Variants in PDCD6IP observed in about 807,000 individuals in gnomAD.
PDCD6IP encodes the protein programmed cell death 6-interacting protein.
In PDCD6IP, 43 loss-of-function variants were observed where a neutral mutation model predicts 103.7. The ratio of observed to expected loss-of-function variants is 0.41; its 90% confidence interval spans 0.32 to 0.53. The LOEUF (loss-of-function observed/expected upper bound fraction) is 0.53, where lower values mean the gene tolerates loss of function less well. Ranked by LOEUF, PDCD6IP falls within the 20% of genes least tolerant of loss-of-function variation. PDCD6IP has a pLI of 0.16. For missense variants in PDCD6IP, 871 were observed against 1,036.7 expected, an observed-to-expected ratio of 0.84 and a Z score of 2.20; for synonymous variants, 354 against 378.7, an observed-to-expected ratio of 0.93 and a Z score of 0.76.
At chr3:33,852,365 T>G in intron 12 of PDCD6IP, 123 bp from the exon 13 acceptor site, 1 of 1,414,136 alleles carries the variant, frequency 7.1e-7, no homozygotes, top group Non-Finnish European at 9.3e-7. Context: ...CAATTTATAT[T>G]TGGCTCTCTG....
intron 3 of PDCD6IP, among the ~76,000 whole-genome samples, chr3:33,820,164 GT>G (rs1696956620): frequency 6.6e-6 from 1 of 152,120 alleles, no homozygotes; most frequent in South Asian, 2.1e-4. Flanking sequence ...TGTGCCTGTA[GT>G]CCCAGCTACT....
intron 3 of PDCD6IP, among the ~76,000 whole-genome samples, chr3:33,821,720 A>G (rs945419462): frequency 2.0e-5 from 3 of 152,214 alleles, no homozygotes; most frequent in African/African-American, 7.2e-5. Context: ...AGGGAAGGAG[A>G]GAAAGAATAA....
Position 33,867,936 on chromosome 3 carries a change from G to T in PDCD6IP, c.*1411G>T, listed in dbSNP as rs553711985. On this transcript the variant is annotated 3_prime_UTR_variant, in exon 18 of 18. Coordinates refer to ENST00000307296, the MANE Select transcript of PDCD6IP (RefSeq NM_013374.6). The stretch of plus-strand genomic sequence containing the variant: ...GTTTGGATTTATATTTTAAATGTTC[G>T]AATGAAAGTATGATTGTAAAAGGGA... 1 of 152,058 alleles carries T rather than the reference G, an allele frequency of 6.6e-6. No homozygotes were observed. Among genetic ancestry groups the T allele is most frequent in the African/African-American group, 2.4e-5 (1 of 41,396 alleles). The allele number at this position is 152,058 out of a possible 1,614,324, so 9.4% of individuals were successfully genotyped here.
intron 6 of PDCD6IP, chr3:33,827,204 T>G: frequency 2.0e-6 from 2 of 979,070 alleles, no homozygotes; most frequent in Non-Finnish European, 2.4e-6. Context: ...GATCATTTGT[T>G]AATGACAAAG....
rs770845093 is a variant in PDCD6IP, at chr3:33,825,285, C to T, written c.561C>T (p.Leu187=). Residue 187 remains leucine, a synonymous_variant, in exon 5 of 18, where the codon CTC becomes CTT. Transcript: ENST00000307296. Reference sequence around the variant, plus strand: ...TATCTCCAGATACTGTTGGGACCCTCAGTCTTATTATGCTGGCACAGGCTC... The same window carrying T: ...TATCTCCAGATACTGTTGGGACCCTTAGTCTTATTATGCTGGCACAGGCTC... ...VDISPDTVGT[L]SLIMLAQAQE... The T allele has an allele frequency of 2.5e-6, 4 of 1,613,580 alleles. No homozygotes were observed. Among genetic ancestry groups the T allele is most frequent in the Admixed American group, 3.3e-5 (2 of 59,890 alleles).
chr3:33,831,560 A>C (rs1697245549), intron 7 of PDCD6IP, among the ~76,000 whole-genome samples: 1 of 152,170 alleles, frequency 6.6e-6, no homozygotes. Flanking sequence ...GTAATTGTTG[A>C]ACCTAGCTAA....
intron 15 of PDCD6IP, among the ~76,000 whole-genome samples, chr3:33,856,891 T>C (rs577339496): frequency 7.2e-5 from 11 of 152,270 alleles, no homozygotes; most frequent in African/African-American, 2.4e-4. Flanking sequence ...CCAGACTGTC[T>C]TTTGGGTACA....
rs1277815353 is a variant in PDCD6IP at position 33,867,172 on chromosome 3, T to C, written c.*647T>C. 1 of 152,190 alleles carries C rather than the reference T, an allele frequency of 6.6e-6. No homozygotes were observed. The highest frequency in any genetic ancestry group is 1.5e-5 in the Non-Finnish European group (1 of 68,006). The allele number at this position is 152,190 out of a possible 1,614,324, so 9.4% of individuals were successfully genotyped here. ...TTACAGGGAAATCAAAAGAATATTATCATACTTTATCTTTCGTATGCTGAT... is the reference window on the plus strand; with the variant it reads ...TTACAGGGAAATCAAAAGAATATTACCATACTTTATCTTTCGTATGCTGAT... On this transcript the variant is annotated 3_prime_UTR_variant, in exon 18 of 18. Transcript: ENST00000307296.
rs544979174 is a variant in PDCD6IP at position 33,855,014 on chromosome 3, G to A, written c.2026-152G>A. Reference sequence around the variant, plus strand: ...AGTCTTAGATCATATTTAATATTAAGTTGTTGGGCCTAGTAAATTGTATAA... The same window carrying A: ...AGTCTTAGATCATATTTAATATTAAATTGTTGGGCCTAGTAAATTGTATAA... On this transcript the variant is annotated intron_variant, in intron 14 of 17. Coordinates refer to ENST00000307296, the MANE Select transcript of PDCD6IP (RefSeq NM_013374.6). The A allele has an allele frequency of 1.1e-5, 5 of 461,044 alleles. No homozygotes were observed. The South Asian group carries it at 2.0e-4, about 18-fold the overall frequency. 28.6% of individuals were successfully genotyped at this position (461,044 alleles called of 1,614,324 possible). A position where few individuals can be genotyped will look rare whatever the true frequency, so the allele number is the denominator to read the frequency against.
chr3:33,812,183 CA>C (rs1242374467), intron 2 of PDCD6IP, 57 bp downstream of exon 2: 97 of 1,556,322 alleles, frequency 6.2e-5, no homozygotes, highest in Non-Finnish European at 8.2e-5. Context: ...TTCCTTCTGC[CA>C]ATATCTTCAC....
intron 7 of PDCD6IP, among the ~76,000 whole-genome samples, chr3:33,829,329 T>C (rs1697196818): frequency 6.6e-6 from 1 of 152,196 alleles, no homozygotes; most frequent in Non-Finnish European, 1.5e-5. Context: ...CATTCAGTTC[T>C]CTTTTTTGGT....
At chr3:33,822,341 G>A (rs2125554159) in intron 4 of PDCD6IP, among the ~76,000 whole-genome samples, 1 of 152,240 alleles carries the variant, frequency 6.6e-6, no homozygotes, top group Middle Eastern at 3.4e-3. Flanking sequence ...ATTGTTGGTT[G>A]AAGAAATTAT....
chr3:33,815,367 C>T (rs1168438775), intron 3 of PDCD6IP, among the ~76,000 whole-genome samples: 1 of 152,046 alleles, frequency 6.6e-6, no homozygotes, highest in East Asian at 1.9e-4. Flanking sequence ...TACCCAGGTA[C>T]TCTGGAAGGG....
chr3:33,845,977 C>T (rs1272209103), intron 12 of PDCD6IP, among the ~76,000 whole-genome samples: 3 of 152,134 alleles, frequency 2.0e-5, no homozygotes, highest in African/African-American at 7.2e-5. Context: ...CCTTGTTTCA[C>T]CGGAACTACC....
intron 12 of PDCD6IP, 32 bp downstream of exon 12, chr3:33,845,620 C>T: frequency 6.6e-7 from 1 of 1,518,528 alleles, no homozygotes; most frequent in Non-Finnish European, 8.9e-7. Context: ...AGGTTGTCAT[C>T]TGCTTAAGAA....
chr3:33,804,926 T>A (rs1348711716), intron 1 of PDCD6IP, among the ~76,000 whole-genome samples: 3 of 152,234 alleles, frequency 2.0e-5, no homozygotes, highest in African/African-American at 7.2e-5. Flanking sequence ...TGTTTCATCC[T>A]CTAGTTGGTG....
intron 3 of PDCD6IP, among the ~76,000 whole-genome samples, chr3:33,814,863 TGTATATAC>T (rs1383302924): frequency 6.9e-6 from 1 of 145,514 alleles, no homozygotes; most frequent in African/African-American, 2.5e-5. Context: ...TATACATATA[TGTATATAC>T]ATATATACAT....
At chr3:33,865,178 T>A in intron 16 of PDCD6IP, 65 bp from the exon 17 acceptor site, 1 of 1,142,820 alleles carries the variant, frequency 8.8e-7, no homozygotes, top group Non-Finnish European at 1.2e-6. Context: ...CTTATTAATT[T>A]TAATTAATAG....
chr3:33,817,811 A>G (rs960423992), intron 3 of PDCD6IP, among the ~76,000 whole-genome samples: 4 of 152,076 alleles, frequency 2.6e-5, no homozygotes, highest in Non-Finnish European at 5.9e-5. Context: ...AAACAAGAAT[A>G]CAGTTAAATA....
Sources: gnomAD v4.1 joint callset for allele counts (sites outside exome capture counted in the v4.1 genomes callset) on GRCh38, gnomAD v4.1.1 for gene constraint, MANE v1.5 for transcripts, NCBI Gene and HGNC (gene_info 2026-07-23, HGNC 2026-07-21) for gene names.